PRIM2: variants seen among roughly 807,000 people sequenced by gnomAD.
PRIM2 encodes the protein DNA primase large subunit.
Under a neutral mutation model 67.3 loss-of-function variants are expected in PRIM2, and 39 were observed. That is an observed-to-expected ratio of 0.58 (90% CI 0.45 to 0.76). PRIM2 has a LOEUF of 0.76. PRIM2 is among the 30% of genes least tolerant of loss of function. The pLI, the probability that PRIM2 is intolerant of heterozygous loss-of-function variation, is 0.00. For synonymous variants in PRIM2, 143 were observed against 198.7 expected, an observed-to-expected ratio of 0.72 and a Z score of 2.36; for missense variants, 398 against 598.7, an observed-to-expected ratio of 0.66 and a Z score of 3.50.
chr6:57,345,620 G>T (rs959760365), intron 5 of PRIM2, among the ~76,000 whole-genome samples: 12 of 152,070 alleles, frequency 7.9e-5, no homozygotes, highest in African/African-American at 2.9e-4. Context: ...GTAGTTTCCA[G>T]AAAGGGGTTC....
intron 10 of PRIM2, among the ~76,000 whole-genome samples, chr6:57,574,349 G>A (rs1407763950): frequency 1.3e-5 from 2 of 151,578 alleles, no homozygotes; most frequent in Non-Finnish European, 3.0e-5. Flanking sequence ...CTGCCATTCT[G>A]TGGAGTGTGC....
chr6:57,345,770 C>T (rs1328269720), intron 5 of PRIM2, among the ~76,000 whole-genome samples: 3 of 152,086 alleles, frequency 2.0e-5, no homozygotes, highest in African/African-American at 4.8e-5. Flanking sequence ...AGTAGCCCTA[C>T]GGGCTGCTGG....
intron 5 of PRIM2, among the ~76,000 whole-genome samples, chr6:57,336,837 A>G (rs1409530009): frequency 2.0e-5 from 3 of 152,232 alleles, no homozygotes; most frequent in Admixed American, 6.5e-5. Flanking sequence ...TCACAATGAC[A>G]GGATAAAATT....
chr6:57,275,290 C>A, the PRIM2 span, among the ~76,000 whole-genome samples: 2 of 152,062 alleles, frequency 1.3e-5, no homozygotes, highest in African/African-American at 4.8e-5. Context: ...GTGGGTGAAT[C>A]AAATGAGGCC....
chr6:57,284,331 T>C, the PRIM2 span, among the ~76,000 whole-genome samples: 1 of 152,226 alleles, frequency 6.6e-6, no homozygotes, highest in Admixed American at 6.5e-5. Flanking sequence ...TTTTGGCAGA[T>C]GTGCTTGTAC....
chr6:57,480,915 C>T (rs1375264167), intron 7 of PRIM2, among the ~76,000 whole-genome samples: 3 of 152,140 alleles, frequency 2.0e-5, no homozygotes, highest in Non-Finnish European at 2.9e-5. Flanking sequence ...CGTGAGCCAT[C>T]GCACCCGGCC....
chr6:57,362,603 A>C (rs1003589369), intron 5 of PRIM2, among the ~76,000 whole-genome samples: 1 of 152,190 alleles, frequency 6.6e-6, no homozygotes, highest in Non-Finnish European at 1.5e-5. Flanking sequence ...TGCATGATTT[A>C]GAAATGTAGA....
chr6:57,579,446 G>T (rs1776038249), intron 10 of PRIM2, among the ~76,000 whole-genome samples: 1 of 151,942 alleles, frequency 6.6e-6, no homozygotes, highest in Admixed American at 6.5e-5. Context: ...ATGTAATTTT[G>T]TTCTTTTGGT....
intron 5 of PRIM2, among the ~76,000 whole-genome samples, chr6:57,340,971 G>C (rs989619035): frequency 1.3e-5 from 2 of 152,128 alleles, no homozygotes; most frequent in African/African-American, 4.8e-5. Flanking sequence ...GTTGCTTCTA[G>C]TCTGTTTGCC....
chr6:57,418,383 G>GGTTTTTTTTTTTTTTTTTTTTTTTTTTTT (rs1554336216), intron 7 of PRIM2, among the ~76,000 whole-genome samples: 1 of 47,234 alleles, frequency 2.1e-5, no homozygotes, highest in Non-Finnish European at 4.3e-5. Flanking sequence ...TATGTGTGTG[G>GGTTTTTTTTTTTTTTTTTTTTTTTTTTTT]TTTTTTTTTT....
In PRIM2 at chr6:57,482,375, G is replaced by T. The variant is rs1332247973; in HGVS notation, c.694-25012G>T. Reference sequence around the variant, plus strand: ...TGGGGAAGAGCACTAGTAAGCAAAAGAAATATATAAATCAGAGATTCAGAA... The same window carrying T: ...TGGGGAAGAGCACTAGTAAGCAAAATAAATATATAAATCAGAGATTCAGAA... On this transcript the variant is annotated intron_variant, in intron 7 of 13. Coordinates refer to ENST00000615550, the MANE Select transcript of PRIM2 (RefSeq NM_000947.5). 5.8e-4 allele frequency among the ~76,000 whole-genome samples: 89 copies of T among 152,210 alleles called. 2 individuals are homozygous for T. The highest frequency in any genetic ancestry group is 5.2e-3 in the Admixed American group (80 of 15,290).
chr6:57,535,700 A>G (rs1410289148), intron 9 of PRIM2, among the ~76,000 whole-genome samples: 1 of 152,082 alleles, frequency 6.6e-6, no homozygotes, highest in Non-Finnish European at 1.5e-5. Flanking sequence ...CTCTGTCTCT[A>G]CTACAAATAC....
chr6:57,612,326 T>C (rs1776682378), intron 12 of PRIM2, among the ~76,000 whole-genome samples: 1 of 152,206 alleles, frequency 6.6e-6, no homozygotes, highest in Admixed American at 6.5e-5. Flanking sequence ...TGCCAAAAAC[T>C]AGAAACAACC....
chr6:57,349,691 C>T (rs6901098), intron 5 of PRIM2, among the ~76,000 whole-genome samples: 1 of 151,956 alleles, frequency 6.6e-6, no homozygotes, highest in African/African-American at 2.4e-5. Flanking sequence ...TATTATTAGC[C>T]CTGACTGTAG....
chr6:57,490,063 T>TG (rs1773854143), intron 7 of PRIM2, among the ~76,000 whole-genome samples: 1 of 151,922 alleles, frequency 6.6e-6, no homozygotes, highest in African/African-American at 2.4e-5. Context: ...TAAAGGCTGA[T>TG]GGGGTGAGGA....
chr6:57,274,804 T>G, the PRIM2 span, among the ~76,000 whole-genome samples: 1,510 of 152,182 alleles, frequency 9.9e-3, 30 homozygotes, highest in African/African-American at 0.035. Context: ...TGAGACAGAG[T>G]CTTCCTCTAT....
rs967292438 is a variant in PRIM2, at chr6:57,318,730, T to C, written c.154+131T>C. The C allele has an allele frequency of 2.3e-5, 17 of 734,580 alleles. 1 individual carries two copies. In the South Asian group the frequency reaches 3.1e-4, roughly 13 times the overall value. The allele number at this position is 734,580 out of a possible 1,614,324, so 45.5% of individuals were successfully genotyped here. ...CAAGTATTTATTGAGGTAATTCATA[T>C]CCTTCATTCAGCAATCCATTCAACA... On this transcript the variant is annotated intron_variant, in intron 2 of 13. Transcript: ENST00000615550.
chr6:57,279,237 A>G, the PRIM2 span, among the ~76,000 whole-genome samples: 1 of 152,338 alleles, frequency 6.6e-6, no homozygotes, highest in East Asian at 1.9e-4. Context: ...GAAACCACAC[A>G]TTAGAGCTGG....
chr6:57,594,797 A>G (rs1245958407), intron 10 of PRIM2, among the ~76,000 whole-genome samples: 2 of 152,210 alleles, frequency 1.3e-5, no homozygotes, highest in Non-Finnish European at 2.9e-5. Context: ...GATAAATTGG[A>G]CTTCATCAAA....
Sources: gnomAD v4.1 joint callset for allele counts (sites outside exome capture counted in the v4.1 genomes callset) on GRCh38, gnomAD v4.1.1 for gene constraint, MANE v1.5 for transcripts, NCBI Gene and HGNC (gene_info 2026-07-23, HGNC 2026-07-21) for gene names.